PPP1R12A: variants seen among roughly 807,000 people sequenced by gnomAD.
PPP1R12A encodes the protein protein phosphatase 1 regulatory subunit 12A, also known as myosin binding subunit.
In PPP1R12A, 19 loss-of-function variants were observed where a neutral mutation model predicts 139.6. The ratio of observed to expected loss-of-function variants is 0.14; its 90% CI spans 0.09 to 0.20. The LOEUF (loss-of-function observed/expected upper bound fraction) is 0.20. Among genes scored for constraint, PPP1R12A ranks in the 10% least tolerant of loss-of-function variants. The probability of loss-of-function intolerance (pLI) is 1.00; values close to 1 mark genes in which losing one functional copy is unlikely to be tolerated. For synonymous variants in PPP1R12A, 427 were observed against 420.6 expected (o/e 1.02, Z -0.19); for missense variants, 925 against 1,211.5 (o/e 0.76, Z 3.51).
chr12:79,918,523 T>C (rs1167574828), intron 1 of PPP1R12A, among the ~76,000 whole-genome samples: 6 of 152,186 alleles, frequency 3.9e-5, no homozygotes, highest in African/African-American at 1.4e-4. Flanking sequence ...ACCTTCATCA[T>C]CTAGTTGTCC....
chr12:79,862,442 G>A (rs1357719469), intron 2 of PPP1R12A, among the ~76,000 whole-genome samples: 1 of 152,076 alleles, frequency 6.6e-6, no homozygotes, highest in Admixed American at 6.5e-5. Context: ...CACCAGCAAG[G>A]GAACAAAACT....
intron 1 of PPP1R12A, among the ~76,000 whole-genome samples, chr12:79,887,151 C>G (rs1216206401): frequency 6.6e-6 from 1 of 152,122 alleles, no homozygotes; most frequent in Non-Finnish European, 1.5e-5. Context: ...CAATGCCTAG[C>G]ATACAGCAAA....
intron 1 of PPP1R12A, among the ~76,000 whole-genome samples, chr12:79,897,382 A>G (rs1198353411): frequency 6.6e-6 from 1 of 152,160 alleles, no homozygotes; most frequent in Admixed American, 6.5e-5. Flanking sequence ...TGGCAACAAC[A>G]GTGGGGAGTC....
chr12:79,912,756 C>G (rs1886683733), intron 1 of PPP1R12A, among the ~76,000 whole-genome samples: 1 of 151,172 alleles, frequency 6.6e-6, no homozygotes, highest in Non-Finnish European at 1.5e-5. Context: ...ATCACCTAAT[C>G]ATAATAAGAG....
chr12:79,872,989 AAAT>A lies in PPP1R12A; in HGVS notation c.238-54_238-52del, dbSNP rs1347446863. On this transcript the variant is annotated intron_variant, in intron 1 of 24. Transcript: ENST00000450142. The stretch of plus-strand genomic sequence containing the variant: ...TGGAAAAAATACGAATTAACACTCC[AAAT>A]AATACATCAATAGAATAAAATTCCT... 5 of 1,538,768 alleles carry A rather than the reference AAAT, an allele frequency of 3.2e-6. No individual in the cohort carries two copies. In the African/African-American group the frequency reaches 4.1e-5, roughly 13 times the overall value.
chr12:79,795,076 G>A (rs1271898413), intron 18 of PPP1R12A, among the ~76,000 whole-genome samples: 1 of 152,022 alleles, frequency 6.6e-6, no homozygotes, highest in African/African-American at 2.4e-5. Context: ...AGCTATACAT[G>A]TATGAATTAT....
chr12:79,808,675 A>G, intron 10 of PPP1R12A, 98 bp from the exon 11 acceptor site: 1 of 598,662 alleles, frequency 1.7e-6, no homozygotes, highest in Non-Finnish European at 2.9e-6. Context: ...AATTATAATT[A>G]CATAGCTATC....
intron 1 of PPP1R12A, among the ~76,000 whole-genome samples, chr12:79,893,551 T>C (rs1884856074): frequency 6.6e-6 from 1 of 152,178 alleles, no homozygotes; most frequent in Admixed American, 6.5e-5. Flanking sequence ...TGTCTACAAG[T>C]ATGATTTAGC....
chr12:79,872,082 C>CA (rs756283070), intron 2 of PPP1R12A, among the ~76,000 whole-genome samples: 4 of 151,914 alleles, frequency 2.6e-5, no homozygotes, highest in Non-Finnish European at 5.9e-5. Flanking sequence ...AAAATGTAGA[C>CA]AAAAAACTAT....
intron 14 of PPP1R12A, among the ~76,000 whole-genome samples, chr12:79,801,041 A>G (rs1190979562): frequency 2.0e-5 from 3 of 151,398 alleles, no homozygotes; most frequent in Admixed American, 1.3e-4. Flanking sequence ...CTCAAATGCT[A>G]CTTTTAAAAA....
chr12:79,908,402 T>C (rs1167766208), intron 1 of PPP1R12A, among the ~76,000 whole-genome samples: 1 of 152,226 alleles, frequency 6.6e-6, no homozygotes, highest in Non-Finnish European at 1.5e-5. Context: ...CCAAATGCCT[T>C]TGAATTTTTT....
At chr12:79,782,093 T>TCC (rs1870523088) in intron 22 of PPP1R12A, 3 of 314,808 alleles carry the variant, frequency 9.5e-6, no homozygotes, top group African/African-American at 6.5e-5. Flanking sequence ...CTATCACTTT[T>TCC]CCCCAGGAAC....
intron 9 of PPP1R12A, among the ~76,000 whole-genome samples, chr12:79,816,200 A>G (rs1875362113): frequency 1.3e-5 from 2 of 152,168 alleles, no homozygotes; most frequent in Admixed American, 1.3e-4. Flanking sequence ...TGGACCCCTG[A>G]TTTTAAAAAA....
At chr12:79,848,218 T>A (rs1357768245) in intron 2 of PPP1R12A, among the ~76,000 whole-genome samples, 1 of 152,190 alleles carries the variant, frequency 6.6e-6, no homozygotes, top group African/African-American at 2.4e-5. Context: ...TTTGAAAATG[T>A]ATATAAAACT....
At chr12:79,884,093 G>T (rs553797927) in intron 1 of PPP1R12A, among the ~76,000 whole-genome samples, 1 of 152,106 alleles carries the variant, frequency 6.6e-6, no homozygotes, top group Non-Finnish European at 1.5e-5. Context: ...AGCCAAATAC[G>T]GTGAGGTAAG....
chr12:79,907,014 C>T (rs1045903084), intron 1 of PPP1R12A, among the ~76,000 whole-genome samples: 3 of 152,182 alleles, frequency 2.0e-5, no homozygotes, highest in Admixed American at 6.5e-5. Context: ...AATCTCTTTA[C>T]ATCCATGCAT....
At chr12:79,878,965 C>T (rs1322467374) in intron 1 of PPP1R12A, among the ~76,000 whole-genome samples, 1 of 152,118 alleles carries the variant, frequency 6.6e-6, no homozygotes, top group African/African-American at 2.4e-5. Context: ...GGTTGTGAGA[C>T]CCACTTTTAT....
At chr12:79,812,722 AC>A (rs1874764023) in intron 9 of PPP1R12A, among the ~76,000 whole-genome samples, 1 of 152,026 alleles carries the variant, frequency 6.6e-6, no homozygotes, top group Non-Finnish European at 1.5e-5. Context: ...ATAACTGAAA[AC>A]TTGAAACTCA....
chr12:79,922,266 C>T (rs1282756956), intron 1 of PPP1R12A, among the ~76,000 whole-genome samples: 2 of 151,510 alleles, frequency 1.3e-5, no homozygotes, highest in African/African-American at 4.8e-5. Flanking sequence ...CATCTCAAAA[C>T]AAAACAAAAA....
Sources: gnomAD v4.1 joint callset for allele counts (sites outside exome capture counted in the v4.1 genomes callset) on GRCh38, gnomAD v4.1.1 for gene constraint, MANE v1.5 for transcripts, NCBI Gene and HGNC (gene_info 2026-07-23, HGNC 2026-07-21) for gene names.